PABPC4L: variants seen among roughly 807,000 people sequenced by gnomAD.
The protein encoded by PABPC4L is polyadenylate-binding protein 4-like.
For missense variants in PABPC4L, 452 were observed against 451.4 expected (o/e 1.00, Z -0.01); for synonymous variants, 169 against 164.1 (o/e 1.03, Z -0.23).
chr4:133,996,535 A>G, the PABPC4L span, among the ~76,000 whole-genome samples: 1 of 152,264 alleles, frequency 6.6e-6, no homozygotes, highest in Admixed American at 6.5e-5. Flanking sequence ...CAAGTCGCTC[A>G]AACTTGGAAA....
chr4:134,012,962 G>A, the PABPC4L span, among the ~76,000 whole-genome samples: 1 of 152,062 alleles, frequency 6.6e-6, no homozygotes, highest in Non-Finnish European at 1.5e-5. Context: ...GACTGGAAAG[G>A]CAGCCTTCTC....
At chr4:134,064,767 G>T in the PABPC4L span, among the ~76,000 whole-genome samples, 1 of 151,936 alleles carries the variant, frequency 6.6e-6, no homozygotes, top group African/African-American at 2.4e-5. Context: ...CCACCCTCTA[G>T]TAGGCCCAGT....
chr4:134,145,915 T>C, the PABPC4L span, among the ~76,000 whole-genome samples: 3 of 151,936 alleles, frequency 2.0e-5, no homozygotes, highest in African/African-American at 7.2e-5. Flanking sequence ...AGTGAAAAAA[T>C]TATTTTAAAA....
At chr4:134,078,585 A>G in the PABPC4L span, among the ~76,000 whole-genome samples, 1 of 152,042 alleles carries the variant, frequency 6.6e-6, no homozygotes, top group Non-Finnish European at 1.5e-5. Flanking sequence ...GACTCCAGTG[A>G]CAGGAAAATA....
At chr4:134,150,072 T>C in the PABPC4L span, among the ~76,000 whole-genome samples, 1 of 143,202 alleles carries the variant, frequency 7.0e-6, no homozygotes, top group Non-Finnish European at 1.5e-5. Flanking sequence ...TTTTTGGTTC[T>C]TGGTTTTATT....
Position 134,200,609 on chromosome 4 carries a change from C to CT in PABPC4L, c.410dup (p.Tyr139LeufsTer17). On this transcript the variant is annotated frameshift_variant, in exon 2 of 2. Coordinates refer to ENST00000421491, the MANE Select transcript of PABPC4L (RefSeq NM_001114734.2). LOFTEE classifies it low-confidence loss of function (END_TRUNC). Reference sequence around the variant, plus strand: ...TCTGAAAGTGCACAAATGCATAGCCCTTGGAGCCTTGATCATCACTCATCA... The same window carrying CT: ...TCTGAAAGTGCACAAATGCATAGCCCTTTGGAGCCTTGATCATCACTCATCA... The CT allele has an allele frequency of 6.4e-7, 1 of 1,551,578 alleles. No homozygotes were observed. Among genetic ancestry groups the CT allele is most frequent in the Non-Finnish European group, 8.7e-7 (1 of 1,146,968 alleles).
the PABPC4L span, among the ~76,000 whole-genome samples, chr4:134,158,928 G>A: frequency 1.3e-5 from 2 of 152,114 alleles, no homozygotes; most frequent in African/African-American, 4.8e-5. Context: ...TGCGTAGCAT[G>A]TTACTATATT....
the PABPC4L span, among the ~76,000 whole-genome samples, chr4:134,133,378 A>C: frequency 7.0e-6 from 1 of 143,340 alleles, no homozygotes; most frequent in Admixed American, 7.2e-5. Flanking sequence ...ATATAATTAT[A>C]CATAATATAT....
the PABPC4L span, among the ~76,000 whole-genome samples, chr4:134,072,860 A>C: frequency 2.0e-5 from 3 of 152,214 alleles, no homozygotes; most frequent in South Asian, 6.2e-4. Flanking sequence ...CTTATAAACC[A>C]ACAGATTTCA....
chr4:133,997,694 A>C, the PABPC4L span, among the ~76,000 whole-genome samples: 5 of 152,250 alleles, frequency 3.3e-5, no homozygotes, highest in Middle Eastern at 3.4e-3. Flanking sequence ...CTCTCATGGA[A>C]TGACTTTGAG....
At chr4:134,111,923 T>G in the PABPC4L span, among the ~76,000 whole-genome samples, 1 of 152,172 alleles carries the variant, frequency 6.6e-6, no homozygotes. Flanking sequence ...CCCAAATTTT[T>G]ATAGAATTTT....
chr4:133,967,096 T>G, the PABPC4L span, among the ~76,000 whole-genome samples: 1 of 151,896 alleles, frequency 6.6e-6, no homozygotes, highest in African/African-American at 2.4e-5. Context: ...GTAATGATAT[T>G]TGAGGAGATG....
chr4:133,960,775 T>G, the PABPC4L span, among the ~76,000 whole-genome samples: 73,239 of 151,644 alleles, frequency 0.48, 19,486 homozygotes, highest in African/African-American at 0.68. Flanking sequence ...AGCTGGGTGA[T>G]GCCTGTGACT....
the PABPC4L span, among the ~76,000 whole-genome samples, chr4:134,123,433 T>G: frequency 3.3e-5 from 5 of 152,088 alleles, no homozygotes; most frequent in African/African-American, 1.2e-4. Context: ...ATCACCTTAT[T>G]TAACCTCAGC....
the PABPC4L span, among the ~76,000 whole-genome samples, chr4:134,154,680 T>C: frequency 6.6e-6 from 1 of 152,066 alleles, no homozygotes; most frequent in African/African-American, 2.4e-5. Flanking sequence ...ATATTTTGCA[T>C]TATTTGTACT....
the PABPC4L span, among the ~76,000 whole-genome samples, chr4:133,964,052 T>C: frequency 1.3e-5 from 2 of 151,964 alleles, no homozygotes; most frequent in African/African-American, 4.8e-5. Flanking sequence ...TTTGAAAAGA[T>C]AGATAAAATT....
At chr4:134,016,209 A>G in the PABPC4L span, among the ~76,000 whole-genome samples, 1 of 152,124 alleles carries the variant, frequency 6.6e-6, no homozygotes, top group Non-Finnish European at 1.5e-5. Flanking sequence ...GTCCCCCTCC[A>G]CTACCTCTCA....
the PABPC4L span, among the ~76,000 whole-genome samples, chr4:134,129,545 G>A: frequency 1.0e-3 from 151 of 151,536 alleles, 1 homozygote; most frequent in African/African-American, 3.5e-3. Flanking sequence ...TCAAATACAT[G>A]GAAATAAAAT....
the PABPC4L span, among the ~76,000 whole-genome samples, chr4:134,112,311 A>G: frequency 6.6e-6 from 1 of 151,932 alleles, no homozygotes; most frequent in Non-Finnish European, 1.5e-5. Context: ...ATTGGTTTGC[A>G]TTTCATCACA....
Sources: gnomAD v4.1 joint callset for allele counts (sites outside exome capture counted in the v4.1 genomes callset) on GRCh38, gnomAD v4.1.1 for gene constraint, MANE v1.5 for transcripts, NCBI Gene and HGNC (gene_info 2026-07-23, HGNC 2026-07-21) for gene names.